LHFPL6: variants seen among roughly 807,000 people sequenced by gnomAD.
LHFPL6 encodes LHFPL tetraspan subfamily member 6 protein.
In LHFPL6, 9 loss-of-function variants were observed where a neutral mutation model predicts 20.6. The observed-to-expected ratio is 0.44, with a 90% CI of 0.26 to 0.76. The LOEUF (loss-of-function observed/expected upper bound fraction) is 0.76, where lower values mean the gene tolerates loss of function less well. Ranked by LOEUF, LHFPL6 falls within the 30% of genes least tolerant of loss-of-function variation. LHFPL6 has a pLI of 0.20. For missense variants in LHFPL6, 218 were observed against 253.5 expected, an observed-to-expected ratio of 0.86 and a Z score of 0.95; for synonymous variants, 105 against 98.7, an observed-to-expected ratio of 1.06 and a Z score of -0.38.
intron 2 of LHFPL6, among the ~76,000 whole-genome samples, chr13:39,460,484 A>G (rs1872664611): frequency 6.6e-6 from 1 of 152,236 alleles, no homozygotes; most frequent in South Asian, 2.1e-4. Flanking sequence ...CAGCTGGCCC[A>G]GGATTCACAG....
intron 2 of LHFPL6, among the ~76,000 whole-genome samples, chr13:39,597,059 C>T (rs1353935266): frequency 3.9e-5 from 6 of 152,210 alleles, no homozygotes; most frequent in Non-Finnish European, 8.8e-5. Context: ...CAGCACTTAA[C>T]TGTCTATTAG....
intron 2 of LHFPL6, among the ~76,000 whole-genome samples, chr13:39,497,485 T>C (rs7334279): frequency 0.97 from 148,076 of 152,292 alleles, 72,115 homozygotes; most frequent in East Asian, 1. Flanking sequence ...TAAGAGGCAC[T>C]TGGAAGAAGA....
At chr13:39,498,412 T>A (rs1334730933) in intron 2 of LHFPL6, among the ~76,000 whole-genome samples, 1 of 152,064 alleles carries the variant, frequency 6.6e-6, no homozygotes, top group Admixed American at 6.5e-5. Flanking sequence ...GTACTTCAAA[T>A]GATTTGCACG....
chr13:39,457,997 A>G (rs1260817996), intron 2 of LHFPL6, among the ~76,000 whole-genome samples: 2 of 152,158 alleles, frequency 1.3e-5, no homozygotes, highest in East Asian at 3.8e-4. Flanking sequence ...TTTCACCACT[A>G]TGAATATCAT....
chr13:39,513,866 T>C (rs1869810177), intron 2 of LHFPL6, among the ~76,000 whole-genome samples: 1 of 152,210 alleles, frequency 6.6e-6, no homozygotes, highest in Non-Finnish European at 1.5e-5. Flanking sequence ...GTGTGATCCC[T>C]ACCGTACTGG....
chr13:39,508,310 C>A (rs965909284), intron 2 of LHFPL6, among the ~76,000 whole-genome samples: 10 of 152,174 alleles, frequency 6.6e-5, no homozygotes, highest in Non-Finnish European at 1.5e-4. Context: ...TAGGCATGAG[C>A]CACTGCCCCA....
intron 2 of LHFPL6, among the ~76,000 whole-genome samples, chr13:39,446,388 GCAAGCTCT>G (rs1357663119): frequency 1.3e-5 from 2 of 152,168 alleles, no homozygotes; most frequent in East Asian, 3.9e-4. Flanking sequence ...GTCCTCATAG[GCAAGCTCT>G]CAAGCTCTCC....
At chr13:39,474,414 T>C (rs1378527604) in intron 2 of LHFPL6, among the ~76,000 whole-genome samples, 1 of 152,220 alleles carries the variant, frequency 6.6e-6, no homozygotes, top group African/African-American at 2.4e-5. Flanking sequence ...TAACCTGGCA[T>C]GACAAATTGG....
chr13:39,587,707 G>C (rs1057237731), intron 2 of LHFPL6, among the ~76,000 whole-genome samples: 2 of 151,882 alleles, frequency 1.3e-5, no homozygotes, highest in African/African-American at 2.4e-5. Context: ...GAGCTAAAAG[G>C]CCAAACAGGA....
intron 2 of LHFPL6, among the ~76,000 whole-genome samples, chr13:39,520,788 T>C (rs1566131682): frequency 6.6e-6 from 1 of 152,200 alleles, no homozygotes; most frequent in Non-Finnish European, 1.5e-5. Context: ...GAGCAGAGAC[T>C]TTCAACCCTG....
At chr13:39,565,644 TATAAC>T (rs771610216) in intron 2 of LHFPL6, among the ~76,000 whole-genome samples, 11 of 152,258 alleles carry the variant, frequency 7.2e-5, no homozygotes, top group Non-Finnish European at 1.2e-4. Context: ...ATTTGATTAT[TATAAC>T]AGAACATTCT....
At chr13:39,512,788 C>A (rs1869768513) in intron 2 of LHFPL6, among the ~76,000 whole-genome samples, 1 of 152,196 alleles carries the variant, frequency 6.6e-6, no homozygotes, top group Admixed American at 6.5e-5. Flanking sequence ...CCAGGCCTGG[C>A]ATGCTTGGAA....
At chr13:39,345,045 G>A (rs1189431302) in intron 3 of LHFPL6, among the ~76,000 whole-genome samples, 3 of 152,172 alleles carry the variant, frequency 2.0e-5, no homozygotes, top group Admixed American at 6.5e-5. Context: ...ACTGGACACT[G>A]TACTTTCTGC....
At chr13:39,419,262 G>T (rs1310467798) in intron 2 of LHFPL6, among the ~76,000 whole-genome samples, 4 of 152,132 alleles carry the variant, frequency 2.6e-5, no homozygotes, top group Admixed American at 6.5e-5. Context: ...CTCTACTCTG[G>T]ACTTCTTGTG....
chr13:39,420,699 T>C (rs181229894), intron 2 of LHFPL6, among the ~76,000 whole-genome samples: 4 of 152,318 alleles, frequency 2.6e-5, no homozygotes, highest in African/African-American at 9.6e-5. Flanking sequence ...ATAATTTTAT[T>C]TTCACTTTCC....
At chr13:39,413,448 T>G (rs1156692472) in intron 2 of LHFPL6, among the ~76,000 whole-genome samples, 2 of 76,088 alleles carry the variant, frequency 2.6e-5, no homozygotes, top group African/African-American at 7.5e-5. Flanking sequence ...TTTTTTTTTT[T>G]TTTTAGGAAT....
rs568892470 is a variant in LHFPL6 at position 39,537,821 on chromosome 13, A to G, written c.385+63011T>C. On this transcript the variant is annotated intron_variant, in intron 2 of 3. Transcript: ENST00000379589. ...ATTTCATGGAGTAAGAATATACTTC[A>G]GGCACAGAACCACTAAGAAAGCAAT... Among the ~76,000 whole-genome samples, 49 of 152,220 alleles carry G rather than the reference A, an allele frequency of 3.2e-4. No homozygotes were observed. In the South Asian group the frequency reaches 9.4e-3, roughly 29 times the overall value.
chr13:39,550,407 TAC>T (rs1468544232), intron 2 of LHFPL6, among the ~76,000 whole-genome samples: 1 of 152,156 alleles, frequency 6.6e-6, no homozygotes, highest in Admixed American at 6.5e-5. Context: ...AAGTAAATAA[TAC>T]CTCAATGAAC....
At chr13:39,506,823 A>G (rs577455945) in intron 2 of LHFPL6, among the ~76,000 whole-genome samples, 1 of 152,318 alleles carries the variant, frequency 6.6e-6, no homozygotes, top group African/African-American at 2.4e-5. Context: ...ACTTGACAGC[A>G]CAAGAAAAGG....
Sources: allele counts gnomAD v4.1 joint callset (sites outside exome capture counted in the v4.1 genomes callset), GRCh38; gene constraint gnomAD v4.1.1; transcripts MANE v1.5; gene names NCBI Gene and HGNC (gene_info 2026-07-23, HGNC 2026-07-21).